PDHX: variants seen among roughly 807,000 people sequenced by gnomAD.
PDHX encodes the protein pyruvate dehydrogenase complex component X, also known as pyruvate dehydrogenase protein X component, mitochondrial.
PDHX carries 33 observed loss-of-function variants against 55.3 expected under a neutral mutation model. The ratio of observed to expected loss-of-function variants is 0.60; its 90% confidence interval spans 0.45 to 0.80. PDHX has a LOEUF of 0.80. PDHX is among the 30% of genes least tolerant of loss of function. The pLI is 0.00. For missense variants in PDHX, 622 were observed against 619.9 expected, an observed-to-expected ratio of 1.00 and a Z score of -0.04; for synonymous variants, 226 against 219.4, an observed-to-expected ratio of 1.03 and a Z score of -0.27.
At chr11:34,976,249 A>G (rs949162168) in intron 7 of PDHX, among the ~76,000 whole-genome samples, 2 of 152,212 alleles carry the variant, frequency 1.3e-5, no homozygotes, top group Admixed American at 6.6e-5. Context: ...AAGTTACAAT[A>G]CATAACATTC....
chr11:34,970,405 T>C (rs1855232870), intron 7 of PDHX, 119 bp downstream of exon 7: 1 of 845,676 alleles, frequency 1.2e-6, no homozygotes. Flanking sequence ...AATTTCATAA[T>C]GTACTTGCAC....
intron 1 of PDHX, among the ~76,000 whole-genome samples, chr11:34,917,968 G>A (rs1180839887): frequency 1.3e-5 from 2 of 152,098 alleles, no homozygotes; most frequent in Non-Finnish European, 2.9e-5. Context: ...GTTTTATTTT[G>A]ACATTTAATG....
At chr11:34,916,070 G>A (rs1394626222), upstream of PDHX, 2 of 970,206 alleles carry the variant, frequency 2.1e-6, no homozygotes, top group Non-Finnish European at 3.0e-6. Flanking sequence ...GCTTCCGAAC[G>A]CCAAGGTCGC....
chr11:34,935,065 G>T (rs1456861546), intron 2 of PDHX, among the ~76,000 whole-genome samples: 1 of 152,094 alleles, frequency 6.6e-6, no homozygotes, highest in Admixed American at 6.5e-5. Flanking sequence ...ACTGAAACAA[G>T]ATCGGTCATG....
intron 2 of PDHX, among the ~76,000 whole-genome samples, chr11:34,935,170 A>G (rs1219274568): frequency 2.0e-5 from 3 of 151,780 alleles, no homozygotes; most frequent in African/African-American, 4.8e-5. Flanking sequence ...TATTTTTTAT[A>G]TATAAATTTT....
At chr11:34,989,096 G>A (rs139362248) in intron 9 of PDHX, among the ~76,000 whole-genome samples, 108 of 152,244 alleles carry the variant, frequency 7.1e-4, no homozygotes, top group African/African-American at 2.5e-3. Flanking sequence ...CCTGCTACAC[G>A]CCTAGGCTTT....
In PDHX at chr11:34,995,517, C is replaced by A; in HGVS notation, c.*345C>A. 1 of 317,294 alleles carries A rather than the reference C, an allele frequency of 3.2e-6. No homozygotes were observed. The highest frequency in any genetic ancestry group is 6.1e-6 in the Non-Finnish European group (1 of 164,398). 19.7% of individuals were successfully genotyped at this position (317,294 alleles called of 1,614,324 possible). A position where few individuals can be genotyped will look rare whatever the true frequency, so the allele number is the denominator to read the frequency against. On this transcript the variant is annotated 3_prime_UTR_variant, in exon 11 of 11. Coordinates refer to ENST00000227868, the MANE Select transcript of PDHX (RefSeq NM_003477.3). ...TTGGAATATTTGAGAATGTATGATA[C>A]ATGTAAAATTAAAAAAACTATTAGA...
intron 2 of PDHX, among the ~76,000 whole-genome samples, chr11:34,932,052 A>C (rs138848494): frequency 3.0e-4 from 45 of 152,288 alleles, no homozygotes; most frequent in African/African-American, 1.1e-3. Context: ...AGAATAAAGA[A>C]ATAGATGCAG....
At chr11:34,957,254 A>G in intron 3 of PDHX, 130 bp from the exon 4 acceptor site, 1 of 711,432 alleles carries the variant, frequency 1.4e-6, no homozygotes, top group Non-Finnish European at 2.5e-6. Flanking sequence ...GGCAGAGGCA[A>G]ACTGTCTTGG....
At chr11:34,969,359 T>C (rs958296249) in intron 6 of PDHX, among the ~76,000 whole-genome samples, 7 of 151,898 alleles carry the variant, frequency 4.6e-5, no homozygotes, top group African/African-American at 1.4e-4. Flanking sequence ...TTTTTTTTTT[T>C]TCCCGAAACA....
chr11:34,982,127 G>A (rs1311101683), intron 8 of PDHX, among the ~76,000 whole-genome samples: 1 of 152,046 alleles, frequency 6.6e-6, no homozygotes, highest in East Asian at 1.9e-4. Context: ...GGGTTTTTAT[G>A]GTTTTAGGTC....
At chr11:34,916,266 G>A (rs2956114), upstream of PDHX, 586,399 of 1,611,870 alleles carry the variant, frequency 0.36, 111,880 homozygotes, top group East Asian at 0.73. Context: ...TCTCCCTCCC[G>A]AGCATCACAG....
chr11:34,972,858 G>T (rs1855285682), intron 7 of PDHX, among the ~76,000 whole-genome samples: 1 of 152,102 alleles, frequency 6.6e-6, no homozygotes, highest in South Asian at 2.1e-4. Context: ...TGTGTTTAGA[G>T]AACACACTTT....
At chr11:34,939,882 A>G (rs1854431690) in intron 2 of PDHX, among the ~76,000 whole-genome samples, 1 of 152,152 alleles carries the variant, frequency 6.6e-6, no homozygotes, top group African/African-American at 2.4e-5. Context: ...AGTGCTAGGT[A>G]ACACCCACAA....
chr11:34,967,080 G>A (rs1855152503), intron 6 of PDHX, among the ~76,000 whole-genome samples: 1 of 152,084 alleles, frequency 6.6e-6, no homozygotes, highest in African/African-American at 2.4e-5. Flanking sequence ...TCAAACTCCT[G>A]ACTTCAGGTG....
intron 2 of PDHX, among the ~76,000 whole-genome samples, chr11:34,942,216 T>C (rs17434946): frequency 0.22 from 33,741 of 152,166 alleles, 4,899 homozygotes; most frequent in Non-Finnish European, 0.34. Context: ...ATGGAATAAA[T>C]GTGTCCTGAT....
intron 9 of PDHX, among the ~76,000 whole-genome samples, chr11:34,991,396 A>C (rs966398971): frequency 6.6e-6 from 1 of 152,232 alleles, no homozygotes; most frequent in Non-Finnish European, 1.5e-5. Context: ...AGGCAGGTGC[A>C]GTCTTTAGGA....
intron 1 of PDHX, 115 bp downstream of exon 1, chr11:34,916,930 C>T (rs1853731879): frequency 3.9e-6 from 4 of 1,027,244 alleles, no homozygotes; most frequent in Non-Finnish European, 5.9e-6. Flanking sequence ...GCTCCTTATT[C>T]CCTTTCCTCT....
intron 4 of PDHX, among the ~76,000 whole-genome samples, chr11:34,959,289 A>G (rs569123869): frequency 6.6e-6 from 1 of 152,326 alleles, no homozygotes; most frequent in Non-Finnish European, 1.5e-5. Context: ...AAGAAGATAC[A>G]TAGATGGCCA....
Sources: gnomAD v4.1 joint callset for allele counts (sites outside exome capture counted in the v4.1 genomes callset) on GRCh38, gnomAD v4.1.1 for gene constraint, MANE v1.5 for transcripts, NCBI Gene and HGNC (gene_info 2026-07-23, HGNC 2026-07-21) for gene names.